The following RIMBP2 variants were observed in gnomAD, a reference collection of about 807,000 sequenced individuals.
RIMBP2 encodes RIMS-binding protein 2.
Under a neutral mutation model 118.6 loss-of-function variants are expected in RIMBP2, and 48 were observed. The observed-to-expected ratio is 0.40, with a 90% CI of 0.32 to 0.51. The LOEUF (loss-of-function observed/expected upper bound fraction) is 0.51, where lower values mean the gene tolerates loss of function less well. Ranked by LOEUF, RIMBP2 falls within the 20% of genes least tolerant of loss-of-function variation. RIMBP2 has a pLI of 0.41. For synonymous variants in RIMBP2, 762 were observed against 742.9 expected (o/e 1.03, Z -0.42); for missense variants, 1,551 against 1,768.3 (o/e 0.88, Z 2.20).
chr12:130,401,335 C>T (rs1293290321), intron 21 of RIMBP2, among the ~76,000 whole-genome samples: 2 of 152,142 alleles, frequency 1.3e-5, no homozygotes, highest in African/African-American at 2.4e-5. Context: ...AAGCTGGTCT[C>T]GAACTCCTGA....
chr12:130,402,971 T>A (rs1348277452), intron 21 of RIMBP2, among the ~76,000 whole-genome samples: 1 of 152,132 alleles, frequency 6.6e-6, no homozygotes, highest in Non-Finnish European at 1.5e-5. Context: ...ATGTAAATTA[T>A]GAAATAGCAA....
intron 4 of RIMBP2, among the ~76,000 whole-genome samples, chr12:130,480,516 C>T (rs1029354524): frequency 6.6e-6 from 1 of 152,244 alleles, no homozygotes; most frequent in Non-Finnish European, 1.5e-5. Flanking sequence ...ACGCCTTCCT[C>T]CTGGGCTGGA....
intron 1 of RIMBP2, among the ~76,000 whole-genome samples, chr12:130,706,084 G>C (rs1347292826): frequency 6.6e-6 from 1 of 152,232 alleles, no homozygotes; most frequent in Non-Finnish European, 1.5e-5. Flanking sequence ...TGATTGGTCT[G>C]TTTGGAGTTT....
At chr12:130,591,578 G>A (rs947081554) in intron 2 of RIMBP2, among the ~76,000 whole-genome samples, 8 of 152,096 alleles carry the variant, frequency 5.3e-5, no homozygotes, top group Non-Finnish European at 1.2e-4. Flanking sequence ...AGGCTCCGGG[G>A]AGGGGCGGGG....
At position 130,437,192 on chromosome 12, in the gene RIMBP2, C is replaced by T. The variant is rs766287855; in HGVS notation, c.1756G>A (p.Ala586Thr). 9.5e-6 allele frequency: 15 copies of T among 1,585,684 alleles called. No homozygotes were observed. Among genetic ancestry groups the T allele is most frequent in the African/African-American group, 1.3e-5 (1 of 74,496 alleles). Residue 586 changes from alanine to threonine, a missense_variant, in exon 13 of 23, where the codon GCC (alanine) becomes ACC (threonine). Around this residue, in one of 5 missense-constraint regions of RIMBP2, gnomAD observed 1,038 missense variants for 1,125.1 expected, o/e 0.92. Coordinates refer to ENST00000690449, the MANE Select transcript of RIMBP2 (RefSeq NM_001393629.1). ...GCAGAGTCCACGGACTCGCCCTGGG[C>T]GGAGAGGGTCCGCACGGTCACGCCC... ...AKGVTVRTLSAQGESVDSAVA... is the reference protein window; with the variant it reads ...AKGVTVRTLSTQGESVDSAVA...
chr12:130,684,112 G>A (rs1484126311), intron 1 of RIMBP2, among the ~76,000 whole-genome samples: 4 of 152,008 alleles, frequency 2.6e-5, no homozygotes. Flanking sequence ...TAAGAACCTC[G>A]GCCTCCACAA....
In RIMBP2 at chr12:130,546,754, G is replaced by A. The variant is rs538421612; in HGVS notation, c.-216-28837C>T. 1.7e-4 allele frequency among the ~76,000 whole-genome samples: 26 copies of A among 152,322 alleles called. No individual in the cohort carries two copies. In the South Asian group the frequency reaches 1.9e-3, roughly 11 times the overall value. Reference sequence around the variant, plus strand: ...GCTGCGCGTGGATGTGTTAGTCAACGCAGTGATTTTCAAGAACTGACTCAT... The same window carrying A: ...GCTGCGCGTGGATGTGTTAGTCAACACAGTGATTTTCAAGAACTGACTCAT... On this transcript the variant is annotated intron_variant, in intron 2 of 22. Transcript: ENST00000690449.
At chr12:130,457,475 G>A (rs1253037658) in intron 6 of RIMBP2, among the ~76,000 whole-genome samples, 1 of 152,216 alleles carries the variant, frequency 6.6e-6, no homozygotes, top group Non-Finnish European at 1.5e-5. Context: ...GGTCAGAGGT[G>A]CATGGGCAAA....
At chr12:130,559,235 A>G (rs1382215271) in intron 2 of RIMBP2, among the ~76,000 whole-genome samples, 1 of 152,168 alleles carries the variant, frequency 6.6e-6, no homozygotes, top group Non-Finnish European at 1.5e-5. Context: ...TATAGGCACC[A>G]TGTTGCACAG....
intron 4 of RIMBP2, among the ~76,000 whole-genome samples, chr12:130,497,738 G>T (rs983461023): frequency 1.3e-5 from 2 of 152,206 alleles, no homozygotes; most frequent in Non-Finnish European, 2.9e-5. Context: ...TGAGAAGCTG[G>T]AGAATAAAAA....
rs1319230097 is a variant in RIMBP2 at position 130,620,559 on chromosome 12, T to A, written c.-217+7763A>T. On this transcript the variant is annotated intron_variant, in intron 2 of 22. Coordinates refer to ENST00000690449, the MANE Select transcript of RIMBP2 (RefSeq NM_001393629.1). This position sits in a 1 kb window ranked among gnomAD's most constrained non-coding sequence, Gnocchi z 5.3. ...AGTCCCAGGGGCCAGATGCCCAAGC[T>A]CGGGGTGTCGGCAGGGCTGCTCCTC... 6.6e-6 allele frequency among the ~76,000 whole-genome samples: 1 copy of A among 152,060 alleles called. No individual in the cohort carries two copies. The highest frequency in any genetic ancestry group is 1.5e-5 in the Non-Finnish European group (1 of 68,000).
intron 7 of RIMBP2, among the ~76,000 whole-genome samples, chr12:130,454,479 G>A (rs1326696496): frequency 6.6e-6 from 1 of 152,164 alleles, no homozygotes; most frequent in African/African-American, 2.4e-5. Context: ...CGTCATAAGC[G>A]ACATGCACTG....
At chr12:130,438,335 A>AACCCCC in intron 12 of RIMBP2, 30 bp downstream of exon 12, 5 of 865,008 alleles carry the variant, frequency 5.8e-6, no homozygotes, top group African/African-American at 1.7e-5. Flanking sequence ...GGCCTAACAA[A>AACCCCC]CCCTCCCCAC....
chr12:130,490,598 C>T (rs114116836), intron 4 of RIMBP2, among the ~76,000 whole-genome samples: 62 of 152,218 alleles, frequency 4.1e-4, no homozygotes, highest in East Asian at 2.1e-3. Context: ...TATAACATCA[C>T]GGGGCAAAGG....
chr12:130,483,415 TAAATA>T, intron 4 of RIMBP2, among the ~76,000 whole-genome samples: 1 of 152,214 alleles, frequency 6.6e-6, no homozygotes, highest in East Asian at 1.9e-4. Context: ...TAAAAATAAA[TAAATA>T]AAAGGGGAGA....
chr12:130,535,770 TATATATATATATAC>T (rs2054014336), intron 2 of RIMBP2, among the ~76,000 whole-genome samples: 1 of 99,590 alleles, frequency 1.0e-5, no homozygotes, highest in Non-Finnish European at 2.1e-5. Flanking sequence ...TATATATATA[TATATATATATATAC>T]ACATATTTTT....
intron 1 of RIMBP2, among the ~76,000 whole-genome samples, chr12:130,693,743 G>C (rs1164027930): frequency 1.3e-5 from 2 of 152,218 alleles, no homozygotes; most frequent in Non-Finnish European, 2.9e-5. Context: ...TCCAACCAGT[G>C]AGTGTAAGCA....
At chr12:130,463,975 C>T (rs879588830) in intron 6 of RIMBP2, among the ~76,000 whole-genome samples, 1 of 152,076 alleles carries the variant, frequency 6.6e-6, no homozygotes, top group Non-Finnish European at 1.5e-5. Context: ...CTAAAAGACA[C>T]TCCCCTCAGC....
chr12:130,570,926 C>T (rs2057586952), intron 2 of RIMBP2, among the ~76,000 whole-genome samples: 1 of 152,164 alleles, frequency 6.6e-6, no homozygotes, highest in Non-Finnish European at 1.5e-5. Flanking sequence ...TTACTGAAGG[C>T]CTGCTACGCA....
Sources: gnomAD v4.1 joint callset for allele counts (sites outside exome capture counted in the v4.1 genomes callset) on GRCh38, gnomAD v4.1.1 for gene constraint, gnomAD v4.1.1 regional missense constraint, Gnocchi (gnomAD v3.1) non-coding constraint, MANE v1.5 for transcripts, NCBI Gene and HGNC (gene_info 2026-07-23, HGNC 2026-07-21) for gene names.